OSBPL10: variants seen among roughly 807,000 people sequenced by gnomAD.
OSBPL10 encodes oxysterol-binding protein-related protein 10.
A neutral mutation model predicts 81.7 loss-of-function variants in OSBPL10; 49 were observed. The ratio of observed to expected loss-of-function variants is 0.60; its 90% confidence interval spans 0.48 to 0.76. The LOEUF is 0.76. OSBPL10 is among the 30% of genes least tolerant of loss of function. OSBPL10 has a pLI of 0.00. For synonymous variants in OSBPL10, 419 were observed against 383.6 expected (o/e 1.09, Z -1.08); for missense variants, 923 against 987.8 (o/e 0.93, Z 0.88).
intron 8 of OSBPL10, among the ~76,000 whole-genome samples, chr3:31,682,588 C>T (rs1296497857): frequency 1.3e-5 from 2 of 152,226 alleles, no homozygotes; most frequent in African/African-American, 4.8e-5. Flanking sequence ...CTTAGTGAGG[C>T]CTTCCCACTG....
In OSBPL10 at chr3:31,783,111, T is replaced by TTATATA. The variant is rs56846176; in HGVS notation, c.730-34997_730-34992dup. On this transcript the variant is annotated intron_variant, in intron 4 of 11. Transcript: ENST00000396556. ...GGATATATCTATATCAATATATCTA[T>TTATATA]TATATATATATATATATATATATAT... Among the ~76,000 whole-genome samples the TTATATA allele has an allele frequency of 6.8e-3, 820 of 121,336 alleles. 5 individuals carry two copies. Among genetic ancestry groups the TTATATA allele is most frequent in the Non-Finnish European group, 8.0e-3 (482 of 60,438 alleles). 79.6% of individuals were successfully genotyped at this position (121,336 alleles called of 152,430 possible).
chr3:31,734,699 C>A (rs1575508943), intron 5 of OSBPL10, among the ~76,000 whole-genome samples: 1 of 152,184 alleles, frequency 6.6e-6, no homozygotes, highest in Non-Finnish European at 1.5e-5. Context: ...AATCATGCCA[C>A]TGCACTCCAG....
intron 6 of OSBPL10, chr3:31,704,903 C>G (rs116741476): frequency 6.6e-6 from 1 of 152,242 alleles, no homozygotes; most frequent in Non-Finnish European, 1.5e-5. Context: ...CCGCATGATA[C>G]GGAGTACACA....
chr3:31,838,290 C>G (rs1247517778), intron 3 of OSBPL10, among the ~76,000 whole-genome samples: 1 of 152,062 alleles, frequency 6.6e-6, no homozygotes, highest in African/African-American at 2.4e-5. Flanking sequence ...GTGGGCGGAT[C>G]ATGAGGTCAG....
At chr3:31,741,722 T>C (rs1389742340) in intron 5 of OSBPL10, among the ~76,000 whole-genome samples, 2 of 152,252 alleles carry the variant, frequency 1.3e-5, no homozygotes, top group East Asian at 3.8e-4. Context: ...TTTGGCTCTG[T>C]ATCCCCACCC....
At chr3:31,875,320 C>A (rs1217364301) in intron 3 of OSBPL10, among the ~76,000 whole-genome samples, 1 of 151,918 alleles carries the variant, frequency 6.6e-6, no homozygotes, top group Non-Finnish European at 1.5e-5. Flanking sequence ...AAAGTAAAGA[C>A]ACATATAAAA....
At chr3:32,059,737 G>C (rs559341898) in intron 1 of OSBPL10, among the ~76,000 whole-genome samples, 107 of 151,804 alleles carry the variant, frequency 7.0e-4, no homozygotes, top group Non-Finnish European at 1.0e-3. Context: ...GGGCAACACA[G>C]TGAGATCCCA....
intron 7 of OSBPL10, among the ~76,000 whole-genome samples, chr3:31,696,126 A>G (rs1051144745): frequency 6.6e-5 from 10 of 152,120 alleles, no homozygotes; most frequent in Non-Finnish European, 1.3e-4. Flanking sequence ...GTCTCCTGCC[A>G]TCTTCTGGTG....
intron 3 of OSBPL10, among the ~76,000 whole-genome samples, chr3:31,837,324 TATATATATATATATATATATATATATATA>T (rs1700379969): frequency 6.0e-4 from 2 of 3,344 alleles, no homozygotes; most frequent in African/African-American, 3.7e-3. Flanking sequence ...CCCCAAATTA[TATATATATATATATATATATATATATATA>T]TATATATATA....
chr3:31,911,626 C>CAA (rs74270091), intron 1 of OSBPL10, among the ~76,000 whole-genome samples: 4 of 139,740 alleles, frequency 2.9e-5, no homozygotes, highest in African/African-American at 7.9e-5. Context: ...AAAAAAATCT[C>CAA]AAAAAAAAAA....
intron 5 of OSBPL10, among the ~76,000 whole-genome samples, chr3:31,745,952 T>G (rs1480954185): frequency 6.6e-6 from 1 of 152,214 alleles, no homozygotes; most frequent in East Asian, 1.9e-4. Context: ...CTGGCTTTAC[T>G]TCCTATCACC....
chr3:31,861,124 G>T (rs908364594), intron 3 of OSBPL10, among the ~76,000 whole-genome samples: 6 of 152,096 alleles, frequency 3.9e-5, no homozygotes, highest in Admixed American at 1.3e-4. Context: ...AGAAATCACA[G>T]ATTTAGAATA....
intron 6 of OSBPL10, among the ~76,000 whole-genome samples, chr3:31,711,315 G>T (rs964140130): frequency 6.6e-6 from 1 of 152,216 alleles, no homozygotes; most frequent in African/African-American, 2.4e-5. Flanking sequence ...GGAGGTGGAC[G>T]TAGAGGCCAT....
chr3:31,992,151 A>C (rs1699039689), intron 2 of OSBPL10, among the ~76,000 whole-genome samples: 1 of 151,956 alleles, frequency 6.6e-6, no homozygotes. Flanking sequence ...ATCTCAAAAA[A>C]AAAAAAAAAA....
At chr3:31,783,020 A>G (rs1698737111) in intron 4 of OSBPL10, among the ~76,000 whole-genome samples, 1 of 151,596 alleles carries the variant, frequency 6.6e-6, no homozygotes, top group African/African-American at 2.4e-5. Flanking sequence ...TGCAATTGCA[A>G]AAATATGGAA....
intron 8 of OSBPL10, among the ~76,000 whole-genome samples, chr3:31,677,995 G>A (rs1700525667): frequency 1.3e-5 from 2 of 149,688 alleles, no homozygotes; most frequent in African/African-American, 5.0e-5. Context: ...GCAGGAGAAT[G>A]GCGTGAACCC....
chr3:31,917,429 G>C (rs565447152), intron 1 of OSBPL10, among the ~76,000 whole-genome samples: 16 of 143,438 alleles, frequency 1.1e-4, no homozygotes, highest in Non-Finnish European at 2.1e-4. Context: ...TAATTTACAT[G>C]ATGGGTAGTT....
chr3:31,731,568 A>G (rs749578599), intron 6 of OSBPL10, among the ~76,000 whole-genome samples: 6 of 150,212 alleles, frequency 4.0e-5, no homozygotes, highest in Non-Finnish European at 7.4e-5. Context: ...GGCTCACTGC[A>G]GCCTCTGCCT....
At chr3:31,757,612 A>C (rs528653659) in intron 4 of OSBPL10, among the ~76,000 whole-genome samples, 28 of 152,350 alleles carry the variant, frequency 1.8e-4, no homozygotes, top group South Asian at 8.3e-4. Context: ...CATCACAGAC[A>C]TCTTTCCACA....
Sources: gnomAD v4.1 joint callset for allele counts (sites outside exome capture counted in the v4.1 genomes callset) on GRCh38, gnomAD v4.1.1 for gene constraint, MANE v1.5 for transcripts, NCBI Gene and HGNC (gene_info 2026-07-23, HGNC 2026-07-21) for gene names.